The following IMMP2L variants were observed in gnomAD, a reference collection of about 807,000 sequenced individuals.
The protein encoded by IMMP2L is inner mitochondrial membrane peptidase subunit 2.
In IMMP2L, 18 loss-of-function variants were observed where a neutral mutation model predicts 19.3. The observed-to-expected ratio is 0.93, with a 90% CI of 0.64 to 1.38. IMMP2L has a LOEUF of 1.38. Ranked by LOEUF, IMMP2L falls within the 40% of genes most tolerant of loss-of-function variation. IMMP2L has a pLI of 0.00. For synonymous variants in IMMP2L, 76 were observed against 73.0 expected (o/e 1.04, Z -0.21); for missense variants, 233 against 218.2 (o/e 1.07, Z -0.43).
At chr7:111,383,530 C>A (rs1831407363) in intron 3 of IMMP2L, among the ~76,000 whole-genome samples, 1 of 152,118 alleles carries the variant, frequency 6.6e-6, no homozygotes, top group South Asian at 2.1e-4. Flanking sequence ...AAAACCAAGA[C>A]TCATGGTTCA....
In IMMP2L at chr7:111,309,299, T is replaced by C. The variant is rs769715190; in HGVS notation, c.239+177939A>G. 8.5e-5 allele frequency among the ~76,000 whole-genome samples: 13 copies of C among 152,176 alleles called. 1 individual carries two copies. The highest frequency in any genetic ancestry group is 1.5e-5 in the Non-Finnish European group (1 of 68,022). On this transcript the variant is annotated intron_variant, in intron 3 of 5. Transcript: ENST00000405709. The stretch of plus-strand genomic sequence containing the variant: ...TTCTATGCCAGGCAATTAGTGAAGA[T>C]GATTGCAAGAAATCAATTTTTTGGA...
At chr7:111,501,775 A>G (rs562736281) in intron 2 of IMMP2L, among the ~76,000 whole-genome samples, 1 of 152,304 alleles carries the variant, frequency 6.6e-6, no homozygotes, top group African/African-American at 2.4e-5. Flanking sequence ...GCACATGCTG[A>G]GAGATTCTGT....
At chr7:111,070,018 A>G (rs896492109) in intron 3 of IMMP2L, among the ~76,000 whole-genome samples, 1 of 152,186 alleles carries the variant, frequency 6.6e-6, no homozygotes, top group South Asian at 2.1e-4. Context: ...AAGAAAGGTG[A>G]TAAATATTAT....
intron 3 of IMMP2L, chr7:111,122,780 A>C: frequency 6.2e-7 from 1 of 1,611,980 alleles, no homozygotes; most frequent in Non-Finnish European, 8.5e-7. Context: ...AAGATGAAGG[A>C]CATGCCACTC....
intron 3 of IMMP2L, among the ~76,000 whole-genome samples, chr7:111,308,419 T>C (rs535999615): frequency 8.5e-5 from 13 of 152,060 alleles, no homozygotes; most frequent in Non-Finnish European, 1.5e-4. Flanking sequence ...GTGGGGATAG[T>C]GCAGGAGTGA....
chr7:110,849,566 T>C (rs1284831379), intron 5 of IMMP2L, among the ~76,000 whole-genome samples: 1 of 152,184 alleles, frequency 6.6e-6, no homozygotes, highest in African/African-American at 2.4e-5. Context: ...AAATGTTCAT[T>C]GTCCTTGTAA....
chr7:111,162,640 T>G (rs1027051257), intron 3 of IMMP2L, among the ~76,000 whole-genome samples: 4 of 151,632 alleles, frequency 2.6e-5, no homozygotes, highest in African/African-American at 9.7e-5. Flanking sequence ...GCGAGTAGTT[T>G]TTTTTTTTTT....
At chr7:111,509,037 A>T (rs1845204026) in intron 2 of IMMP2L, among the ~76,000 whole-genome samples, 1 of 152,196 alleles carries the variant, frequency 6.6e-6, no homozygotes, top group Admixed American at 6.5e-5. Context: ...AAGTTATAAG[A>T]CTAAGAATTC....
intron 5 of IMMP2L, among the ~76,000 whole-genome samples, chr7:110,805,564 TA>T (rs1265763897): frequency 1.3e-5 from 2 of 152,014 alleles, no homozygotes; most frequent in Non-Finnish European, 2.9e-5. Context: ...AAAATAACAT[TA>T]AAAAATTCTA....
chr7:111,041,381 C>T (rs1033834070), intron 3 of IMMP2L, among the ~76,000 whole-genome samples: 25 of 151,892 alleles, frequency 1.6e-4, no homozygotes, highest in Admixed American at 1.3e-3. Context: ...TAAAATGTGT[C>T]TTTGTGGCAG....
chr7:110,895,563 G>A (rs1449261754), intron 4 of IMMP2L, among the ~76,000 whole-genome samples: 4 of 152,046 alleles, frequency 2.6e-5, no homozygotes, highest in Non-Finnish European at 5.9e-5. Context: ...CTGTGCAAAG[G>A]AGCCTGCTGG....
At chr7:111,482,384 C>A (rs1201671674) in intron 3 of IMMP2L, among the ~76,000 whole-genome samples, 1 of 152,124 alleles carries the variant, frequency 6.6e-6, no homozygotes, top group African/African-American at 2.4e-5. Flanking sequence ...TTCCCTCACA[C>A]CAACCTTCTA....
At chr7:111,071,385 G>C (rs1348023994) in intron 3 of IMMP2L, among the ~76,000 whole-genome samples, 1 of 151,910 alleles carries the variant, frequency 6.6e-6, no homozygotes, top group East Asian at 1.9e-4. Context: ...TCCATTCCTA[G>C]GTACGTATAC....
At chr7:111,373,321 A>G (rs2131129906) in intron 3 of IMMP2L, among the ~76,000 whole-genome samples, 1 of 152,234 alleles carries the variant, frequency 6.6e-6, no homozygotes, top group East Asian at 1.9e-4. Context: ...AAAGGTTGGT[A>G]TCATCTACTG....
intron 3 of IMMP2L, among the ~76,000 whole-genome samples, chr7:110,969,259 T>C (rs960858982): frequency 6.6e-6 from 1 of 152,134 alleles, no homozygotes; most frequent in Non-Finnish European, 1.5e-5. Flanking sequence ...GATTCATTTA[T>C]AAAATTCAAT....
intron 3 of IMMP2L, among the ~76,000 whole-genome samples, chr7:110,980,382 C>A (rs1422423585): frequency 6.6e-6 from 1 of 151,906 alleles, no homozygotes; most frequent in Non-Finnish European, 1.5e-5. Flanking sequence ...GCGCCCACCA[C>A]CACGCCTGGC....
intron 4 of IMMP2L, among the ~76,000 whole-genome samples, chr7:110,919,239 G>A (rs764874259): frequency 5.3e-5 from 8 of 152,018 alleles, no homozygotes; most frequent in Non-Finnish European, 1.2e-4. Flanking sequence ...ATGACAAGCT[G>A]AATCCTGGTA....
chr7:111,139,501 T>C (rs117684381), intron 3 of IMMP2L, among the ~76,000 whole-genome samples: 9 of 152,236 alleles, frequency 5.9e-5, no homozygotes, highest in South Asian at 4.1e-4. Flanking sequence ...GAATTATCTA[T>C]GGTGGGAAAA....
chr7:111,440,686 T>C lies in IMMP2L; in HGVS notation c.239+46552A>G, dbSNP rs190261606. ...TTGGCTTCAACTTAAAGTGAACAGC[T>C]ACATTAGCCCCTAACAACAAAGTCA... is the stretch of plus-strand genomic sequence containing the variant. On this transcript the variant is annotated intron_variant, in intron 3 of 5. Coordinates refer to ENST00000405709, the MANE Select transcript of IMMP2L (RefSeq NM_032549.4). 6.0e-4 allele frequency among the ~76,000 whole-genome samples: 91 copies of C among 152,040 alleles called. 1 individual carries two copies. The highest frequency in any genetic ancestry group is 2.1e-3 in the African/African-American group (85 of 41,308).
Sources: allele counts gnomAD v4.1 joint callset (sites outside exome capture counted in the v4.1 genomes callset), GRCh38; gene constraint gnomAD v4.1.1; transcripts MANE v1.5; gene names NCBI Gene and HGNC (gene_info 2026-07-23, HGNC 2026-07-21).